YBX3: variants seen among roughly 807,000 people sequenced by gnomAD.
The protein encoded by YBX3 is Y-box-binding protein 3.
A neutral mutation model predicts 42.4 loss-of-function variants in YBX3; 29 were observed. That is an observed-to-expected ratio of 0.68 (90% CI 0.51 to 0.93). The LOEUF (loss-of-function observed/expected upper bound fraction) is 0.93, where lower values mean the gene tolerates loss of function less well. Ranked by LOEUF, YBX3 falls within the 40% of genes least tolerant of loss-of-function variation. The pLI, the probability that YBX3 is intolerant of heterozygous loss-of-function variation, is 0.00. For synonymous variants in YBX3, 195 were observed against 189.8 expected, an observed-to-expected ratio of 1.03 and a Z score of -0.22; for missense variants, 517 against 527.5, an observed-to-expected ratio of 0.98 and a Z score of 0.19.
rs1420167299 is a variant in YBX3 at position 10,719,185 on chromosome 12, G to A, written c.263-42C>T. ...CAGATAAATTAGTATCTGACCTACA[G>A]AGAGATATAGCTCATATCACTAAGA... On this transcript the variant is annotated intron_variant, in intron 1 of 9. Transcript: ENST00000228251. The A allele has an allele frequency of 8.6e-6, 13 of 1,507,842 alleles. No homozygotes were observed. The African/African-American group carries it at 1.8e-4, about 21-fold the overall frequency. The allele number at this position is 1,507,842 out of a possible 1,614,324, so 93.4% of individuals were successfully genotyped here. A position where few individuals can be genotyped will look rare whatever the true frequency, so the allele number is the denominator to read the frequency against.
chr12:10,704,048 T>C lies in YBX3; in HGVS notation c.878+3A>G, dbSNP rs777107841. On this transcript the variant is annotated splice_donor_region_variant and intron_variant, in intron 7 of 9. Coordinates refer to ENST00000228251, the MANE Select transcript of YBX3 (RefSeq NM_003651.5). ...CTGGCCATTAGTGGAAAATGCGACA[T>C]ACCTACGGTACCTTGGGCGGTAAGT... 7 of 1,614,006 alleles carry C rather than the reference T, an allele frequency of 4.3e-6. No individual in the cohort carries two copies. Among genetic ancestry groups the C allele is most frequent in the South Asian group, 1.1e-5 (1 of 91,082 alleles).
intron 6 of YBX3, among the ~76,000 whole-genome samples, chr12:10,706,878 G>C (rs567401014): frequency 6.6e-6 from 1 of 152,182 alleles, no homozygotes; most frequent in Non-Finnish European, 1.5e-5. Context: ...TTAGCCAGGC[G>C]TGGTGGCGGG....
chr12:10,716,935 A>G (rs1255847464), intron 3 of YBX3, among the ~76,000 whole-genome samples: 2 of 152,144 alleles, frequency 1.3e-5, no homozygotes, highest in African/African-American at 2.4e-5. Context: ...TCATATACTC[A>G]CAGGCTAATA....
At chr12:10,703,318 G>A (rs1268046472) in intron 7 of YBX3, 2 of 153,666 alleles carry the variant, frequency 1.3e-5, no homozygotes, top group Admixed American at 1.3e-4. Context: ...TAAGATAAAA[G>A]AATGGGCAGG....
At chr12:10,714,769 TTTTTTTA>T (rs1157317726) in intron 4 of YBX3, among the ~76,000 whole-genome samples, 5 of 152,074 alleles carry the variant, frequency 3.3e-5, no homozygotes, top group African/African-American at 4.8e-5. Context: ...TTTCTTTTTT[TTTTTTTA>T]AAAAACGGAA....
chr12:10,702,172 C>A (rs757577059), intron 7 of YBX3, 38 bp from the exon 8 acceptor site: 4 of 1,562,952 alleles, frequency 2.6e-6, no homozygotes, highest in Non-Finnish European at 3.5e-6. Flanking sequence ...CAGGTGCCAA[C>A]AGGACAGGGC....
chr12:10,705,498 C>A (rs141695139), intron 6 of YBX3, among the ~76,000 whole-genome samples: 184 of 152,282 alleles, frequency 1.2e-3, no homozygotes, highest in African/African-American at 4.2e-3. Context: ...GTTTTTGCAT[C>A]CCCAGGGGGA....
At chr12:10,713,396 G>A (rs1948223903) in intron 4 of YBX3, 63 bp from the exon 5 acceptor site, 20 of 1,564,716 alleles carry the variant, frequency 1.3e-5, no homozygotes, top group Non-Finnish European at 1.6e-5. Context: ...TCAAAAAACA[G>A]CCTTGGACTG....
intron 3 of YBX3, chr12:10,716,128 A>C (rs1435677172): frequency 1.1e-5 from 2 of 185,864 alleles, no homozygotes; most frequent in African/African-American, 4.8e-5. Flanking sequence ...AGCTTCAGAG[A>C]TTCTCTGAAT....
intron 5 of YBX3, chr12:10,711,038 T>C (rs1948194456): frequency 6.5e-6 from 1 of 153,250 alleles, no homozygotes; most frequent in Non-Finnish European, 1.5e-5. Context: ...ACTCCCTTTA[T>C]ATGTTTAGGA....
intron 6 of YBX3, 200 bp from the exon 7 acceptor site, chr12:10,704,348 T>G: frequency 2.1e-6 from 1 of 482,172 alleles, no homozygotes. Context: ...CTAGTCTGAC[T>G]AGAATACTCA....
In YBX3 at chr12:10,699,407, G is replaced by A. The variant is rs1213213626; in HGVS notation, c.*282C>T. On this transcript the variant is annotated 3_prime_UTR_variant, in exon 10 of 10. Coordinates refer to ENST00000228251, the MANE Select transcript of YBX3 (RefSeq NM_003651.5). ...AACCAGGAAAAAAAATAGAAACCTAGCGGTTGCTGAAACTGGAGAGGCTAC... is the reference window on the plus strand; with the variant it reads ...AACCAGGAAAAAAAATAGAAACCTAACGGTTGCTGAAACTGGAGAGGCTAC... 1 of 152,490 alleles carries A rather than the reference G, an allele frequency of 6.6e-6. No homozygotes were observed. Among genetic ancestry groups the A allele is most frequent in the Non-Finnish European group, 1.5e-5 (1 of 68,000 alleles). 9.4% of individuals were successfully genotyped at this position (152,490 alleles called of 1,614,324 possible).
chr12:10,719,243 C>G (rs1948298430), intron 1 of YBX3, 100 bp from the exon 2 acceptor site: 1 of 946,708 alleles, frequency 1.1e-6, no homozygotes, highest in Admixed American at 2.7e-5. Context: ...CTAAACATAC[C>G]TAAAGAAACC....
chr12:10,716,053 T>G, intron 3 of YBX3: 1 of 412,788 alleles, frequency 2.4e-6, no homozygotes, highest in Non-Finnish European at 4.5e-6. Flanking sequence ...GTGCAGTGAC[T>G]ACACACTACT....
chr12:10,713,002 A>T, intron 5 of YBX3: 2 of 592,940 alleles, frequency 3.4e-6, no homozygotes, highest in Non-Finnish European at 5.4e-6. Flanking sequence ...TCATGTAACT[A>T]ATCACCACCG....
At chr12:10,717,518 T>C (rs1300785236) in intron 3 of YBX3, among the ~76,000 whole-genome samples, 1 of 152,224 alleles carries the variant, frequency 6.6e-6, no homozygotes. Flanking sequence ...CTCCATATCT[T>C]ACCCATTTCC....
chr12:10,714,139 A>G (rs2120958545), intron 4 of YBX3, among the ~76,000 whole-genome samples: 1 of 152,328 alleles, frequency 6.6e-6, no homozygotes, highest in South Asian at 2.1e-4. Flanking sequence ...AAAATCTAAA[A>G]GACTTACAAG....
chr12:10,717,794 C>CT (rs1317763814), intron 3 of YBX3: 1,131 of 237,348 alleles, frequency 4.8e-3, no homozygotes, highest in East Asian at 0.022. Flanking sequence ...GGGAAACAGA[C>CT]TTTTCTTTTT....
At chr12:10,713,356 G>T in intron 4 of YBX3, 23 bp from the exon 5 acceptor site, 1 of 1,608,882 alleles carries the variant, frequency 6.2e-7, no homozygotes, top group Non-Finnish European at 8.5e-7. Context: ...TAAAAAGATG[G>T]CCTCAAAATT....
Sources: allele counts gnomAD v4.1 joint callset (sites outside exome capture counted in the v4.1 genomes callset), GRCh38; gene constraint gnomAD v4.1.1; transcripts MANE v1.5; gene names NCBI Gene and HGNC (gene_info 2026-07-23, HGNC 2026-07-21).